Variants in TCF12 observed in about 807,000 individuals in gnomAD.
The protein encoded by TCF12 is DNA-binding protein HTF4.
In TCF12, 45 loss-of-function variants were observed where a neutral mutation model predicts 86.0. The ratio of observed to expected loss-of-function variants is 0.52; its 90% confidence interval spans 0.41 to 0.67. The LOEUF (loss-of-function observed/expected upper bound fraction) is 0.67. Among genes scored for constraint, TCF12 ranks in the 30% least tolerant of loss-of-function variants. TCF12 has a pLI of 0.00. For synonymous variants in TCF12, 330 were observed against 299.6 expected (o/e 1.10, Z -1.05); for missense variants, 881 against 859.9 (o/e 1.02, Z -0.31).
chr15:57,054,562 G>T (rs571380024), intron 3 of TCF12, among the ~76,000 whole-genome samples: 1 of 152,094 alleles, frequency 6.6e-6, no homozygotes, highest in African/African-American at 2.4e-5. Context: ...GGGTGTGTTC[G>T]CACTGAAAAG....
intron 6 of TCF12, among the ~76,000 whole-genome samples, chr15:57,173,763 AGTG>A (rs1481618161): frequency 6.6e-6 from 1 of 151,486 alleles, no homozygotes; most frequent in Non-Finnish European, 1.5e-5. Flanking sequence ...GCTGGAGTGA[AGTG>A]GTGCTATCTC....
chr15:57,141,965 A>G (rs573941411), intron 5 of TCF12, among the ~76,000 whole-genome samples: 2 of 152,296 alleles, frequency 1.3e-5, no homozygotes, highest in East Asian at 1.9e-4. Flanking sequence ...AACGGGAGGA[A>G]TAGTTTGGGT....
chr15:57,014,158 G>T (rs1192307694), intron 3 of TCF12, among the ~76,000 whole-genome samples: 1 of 152,108 alleles, frequency 6.6e-6, no homozygotes, highest in Non-Finnish European at 1.5e-5. Flanking sequence ...CTACCTTACT[G>T]CTGTTGATAC....
At chr15:56,940,633 CTCTCCT>C (rs1173107120) in intron 3 of TCF12, among the ~76,000 whole-genome samples, 36 of 146,202 alleles carry the variant, frequency 2.5e-4, no homozygotes, top group African/African-American at 8.4e-4. Flanking sequence ...CTCCTTCTCC[CTCTCCT>C]TCTCCTTCTC....
At chr15:57,245,477 G>T (rs888542501) in intron 13 of TCF12, among the ~76,000 whole-genome samples, 2 of 152,182 alleles carry the variant, frequency 1.3e-5, no homozygotes, top group Non-Finnish European at 2.9e-5. Context: ...GCTACAGCTT[G>T]TTTCACTTTC....
intron 18 of TCF12, among the ~76,000 whole-genome samples, chr15:57,270,948 A>C (rs1177717154): frequency 2.0e-5 from 3 of 152,164 alleles, no homozygotes; most frequent in African/African-American, 7.2e-5. Context: ...GCTTCGTCCC[A>C]GAGGGGCACC....
chr15:56,973,834 G>A (rs1406959078), intron 3 of TCF12, among the ~76,000 whole-genome samples: 11 of 152,098 alleles, frequency 7.2e-5, no homozygotes, highest in African/African-American at 2.7e-4. Flanking sequence ...GTTGACAAGT[G>A]TCTCCTGATA....
rs762446573 is a variant in TCF12 at position 57,250,810 on chromosome 15, C to T, written c.1115-540C>T. Among the ~76,000 whole-genome samples, 11 of 150,988 alleles carry T rather than the reference C, an allele frequency of 7.3e-5. 1 individual carries two copies. The highest frequency in any genetic ancestry group is 1.2e-4 in the African/African-American group (5 of 41,338). Reference sequence around the variant, plus strand: ...ACTCGGGAGGCAGAGGCAGGAGAATCGCTTGAACTCAGGAGGTGGAGGTTG... The same window carrying T: ...ACTCGGGAGGCAGAGGCAGGAGAATTGCTTGAACTCAGGAGGTGGAGGTTG... On this transcript the variant is annotated intron_variant, in intron 13 of 20. Coordinates refer to ENST00000333725, the MANE Select transcript of TCF12 (RefSeq NM_207037.2).
Position 56,927,665 on chromosome 15 carries a change from A to G in TCF12, c.148+6567A>G, listed in dbSNP as rs533611513. 1.1e-4 allele frequency among the ~76,000 whole-genome samples: 16 copies of G among 152,226 alleles called. 1 individual carries two copies. The South Asian group carries it at 1.5e-3, about 14-fold the overall frequency. On this transcript the variant is annotated intron_variant, in intron 3 of 20. Coordinates refer to ENST00000333725, the MANE Select transcript of TCF12 (RefSeq NM_207037.2). ...ACTGACCACCTTTTTGTGTATGTAT[A>G]TGTTTTTGCCCACATTCTGATTTCT...
intron 16 of TCF12, among the ~76,000 whole-genome samples, chr15:57,259,703 C>A (rs1342750088): frequency 1.3e-5 from 2 of 152,168 alleles, no homozygotes; most frequent in Non-Finnish European, 1.5e-5. Context: ...CCCTGCTACT[C>A]CCCTAACAGC....
chr15:57,279,387 A>G (rs577232371), intron 19 of TCF12, among the ~76,000 whole-genome samples: 1 of 152,378 alleles, frequency 6.6e-6, no homozygotes, highest in East Asian at 1.9e-4. Flanking sequence ...GTCAATAGAT[A>G]GAATTCCCCT....
intron 3 of TCF12, among the ~76,000 whole-genome samples, chr15:57,028,447 G>C (rs1345331693): frequency 6.6e-6 from 1 of 152,078 alleles, no homozygotes; most frequent in Non-Finnish European, 1.5e-5. Context: ...GTTTTAGTTT[G>C]CATTTCCCTG....
chr15:57,184,707 A>C (rs941429309), intron 6 of TCF12, among the ~76,000 whole-genome samples: 1 of 152,152 alleles, frequency 6.6e-6, no homozygotes, highest in Non-Finnish European at 1.5e-5. Flanking sequence ...CCATATTCTG[A>C]TCTTGCCATT....
intron 3 of TCF12, among the ~76,000 whole-genome samples, chr15:57,015,222 A>G (rs1287418723): frequency 6.6e-6 from 1 of 152,188 alleles, no homozygotes; most frequent in East Asian, 1.9e-4. Flanking sequence ...CTGGAGGCAG[A>G]GGTTGCAGTG....
At chr15:57,164,513 T>A (rs1265549463) in intron 5 of TCF12, among the ~76,000 whole-genome samples, 1 of 152,044 alleles carries the variant, frequency 6.6e-6, no homozygotes, top group Non-Finnish European at 1.5e-5. Context: ...GAACTCACTA[T>A]CATAAGAACA....
intron 3 of TCF12, among the ~76,000 whole-genome samples, chr15:56,971,125 T>C (rs1197285362): frequency 6.6e-6 from 1 of 152,046 alleles, no homozygotes; most frequent in Non-Finnish European, 1.5e-5. Flanking sequence ...ATAAAGAATC[T>C]TTGAAAATAG....
chr15:56,979,625 G>C (rs2062788454), intron 3 of TCF12, among the ~76,000 whole-genome samples: 1 of 152,166 alleles, frequency 6.6e-6, no homozygotes, highest in South Asian at 2.1e-4. Flanking sequence ...TACAGTAAGA[G>C]AGTATGTGAA....
intron 3 of TCF12, among the ~76,000 whole-genome samples, chr15:57,027,901 CCTT>C: frequency 6.6e-6 from 1 of 152,172 alleles, no homozygotes; most frequent in Non-Finnish European, 1.5e-5. Flanking sequence ...CTCTTCTTCA[CCTT>C]CTGCCATGAT....
chr15:57,014,294 A>G (rs1419563649), intron 3 of TCF12, among the ~76,000 whole-genome samples: 1 of 152,180 alleles, frequency 6.6e-6, no homozygotes, highest in Non-Finnish European at 1.5e-5. Flanking sequence ...TGATGATGGT[A>G]TGCCTTCTAT....
Sources: allele counts gnomAD v4.1 joint callset (sites outside exome capture counted in the v4.1 genomes callset), GRCh38; gene constraint gnomAD v4.1.1; transcripts MANE v1.5; gene names NCBI Gene and HGNC (gene_info 2026-07-23, HGNC 2026-07-21).